PCDH11X: variants seen among roughly 807,000 people sequenced by gnomAD.
PCDH11X encodes the protein protocadherin-11 X-linked.
PCDH11X carries 18 observed loss-of-function variants against 53.3 expected under a neutral mutation model. The ratio of observed to expected loss-of-function variants is 0.34; its 90% CI spans 0.23 to 0.50. The LOEUF is 0.50. Among genes scored for constraint, PCDH11X ranks in the 20% least tolerant of loss-of-function variants. PCDH11X has a pLI of 0.98. For missense variants in PCDH11X, 570 were observed against 1,032.4 expected (o/e 0.55, Z 6.14); for synonymous variants, 279 against 393.3 (o/e 0.71, Z 3.44).
intron 6 of PCDH11X, among the ~76,000 whole-genome samples, chrX:92,080,326 G>A (rs2063836779): frequency 9.0e-6 from 1 of 111,250 alleles, no homozygotes; most frequent in Non-Finnish European, 1.9e-5. Flanking sequence ...GTAGTAATTT[G>A]TTACAGTAGC....
chrX:92,073,728 A>G (rs1163779385), intron 6 of PCDH11X, among the ~76,000 whole-genome samples: 1 of 112,210 alleles, frequency 8.9e-6, no homozygotes, highest in Non-Finnish European at 1.9e-5. Context: ...GTAGGAGTCT[A>G]AATGAGGCAG....
chrX:92,125,399 A>G (rs1157153952), intron 6 of PCDH11X, among the ~76,000 whole-genome samples: 1 of 112,104 alleles, frequency 8.9e-6, no homozygotes, highest in African/African-American at 3.2e-5. Flanking sequence ...ATTGTTACAC[A>G]AGGTCTAACT....
chrX:92,536,985 A>G (rs1455501251), intron 10 of PCDH11X, among the ~76,000 whole-genome samples: 1 of 111,001 alleles, frequency 9.0e-6, no homozygotes, highest in East Asian at 2.8e-4. Flanking sequence ...TGCCATTTGC[A>G]TGTCTTCTTC....
chrX:92,217,698 T>C (rs1048956798), intron 7 of PCDH11X, among the ~76,000 whole-genome samples: 1 of 105,487 alleles, frequency 9.5e-6, no homozygotes, highest in Non-Finnish European at 2.0e-5. Context: ...CTGCACCAAG[T>C]GGACCTAATA....
At chrX:92,186,885 C>T (rs2066109111) in intron 6 of PCDH11X, among the ~76,000 whole-genome samples, 1 of 111,299 alleles carries the variant, frequency 9.0e-6, no homozygotes, top group South Asian at 3.7e-4. Flanking sequence ...ACTAATTATC[C>T]TGATTTGATC....
chrX:92,459,923 T>G, intron 9 of PCDH11X: 1 of 1,182,201 alleles, frequency 8.5e-7, no homozygotes, highest in East Asian at 3.0e-5. Flanking sequence ...ATGCAAAGCC[T>G]GAACGACCGC....
At chrX:92,560,431 G>A (rs1184352942) in intron 10 of PCDH11X, among the ~76,000 whole-genome samples, 1 of 111,496 alleles carries the variant, frequency 9.0e-6, no homozygotes, top group African/African-American at 3.3e-5. Flanking sequence ...AAAAGGAAAA[G>A]TTAAAGAAAC....
chrX:91,970,091 C>T (rs1347180851), intron 6 of PCDH11X, among the ~76,000 whole-genome samples: 3 of 111,130 alleles, frequency 2.7e-5, no homozygotes, highest in Admixed American at 9.6e-5. Flanking sequence ...CAGAGTTGTT[C>T]GTTCCTCCTG....
chrX:91,989,264 AAAG>A (rs1385893894), intron 6 of PCDH11X, among the ~76,000 whole-genome samples: 2 of 110,941 alleles, frequency 1.8e-5, no homozygotes, highest in South Asian at 3.8e-4. Context: ...AAGAAAAGAG[AAAG>A]AAGAAGAAAA....
rs1253182856 is a variant in PCDH11X, at chrX:92,623,056, G to C, written c.*4116G>C. ...GTGATATCATACAGCATCTGAAAGT[G>C]AACAGTATCCCAAAGCAGTTCCAAC... On this transcript the variant is annotated 3_prime_UTR_variant, in exon 11 of 11. Coordinates refer to ENST00000682573, the MANE Select transcript of PCDH11X (RefSeq NM_032968.5). 11 of 110,677 alleles carry C rather than the reference G, an allele frequency of 9.9e-5. No homozygotes were observed. Among genetic ancestry groups the C allele is most frequent in the African/African-American group, 3.6e-4 (11 of 30,464 alleles). 9.1% of individuals were successfully genotyped at this position (110,677 alleles called of 1,213,427 possible). A position where few individuals can be genotyped will look rare whatever the true frequency, so the allele number is the denominator to read the frequency against.
At chrX:92,594,554 A>G (rs1370483940) in intron 10 of PCDH11X, among the ~76,000 whole-genome samples, 1 of 108,150 alleles carries the variant, frequency 9.2e-6, no homozygotes, top group Non-Finnish European at 1.9e-5. Context: ...CACAGAGATG[A>G]CCAGACTTTA....
chrX:92,131,368 C>T (rs1439571018), intron 6 of PCDH11X, among the ~76,000 whole-genome samples: 2 of 111,256 alleles, frequency 1.8e-5, no homozygotes, highest in South Asian at 7.6e-4. Flanking sequence ...GATTTACTTA[C>T]GTGAAACACA....
intron 4 of PCDH11X, among the ~76,000 whole-genome samples, chrX:91,815,197 T>A (rs1192451602): frequency 8.9e-6 from 1 of 111,923 alleles, no homozygotes; most frequent in Non-Finnish European, 1.9e-5. Context: ...CTTTAAAAAA[T>A]TTAAATTTTT....
chrX:91,902,434 AT>A (rs1449125365), intron 6 of PCDH11X, among the ~76,000 whole-genome samples: 4 of 103,723 alleles, frequency 3.9e-5, no homozygotes, highest in Non-Finnish European at 7.9e-5. Context: ...TTCCCTTCTG[AT>A]TTTTTTTGGC....
At chrX:92,015,889 G>T (rs376211806) in intron 6 of PCDH11X, among the ~76,000 whole-genome samples, 1 of 110,921 alleles carries the variant, frequency 9.0e-6, no homozygotes. Flanking sequence ...TTCCATTTGC[G>T]TTTCTCAGAT....
intron 10 of PCDH11X, among the ~76,000 whole-genome samples, chrX:92,605,226 A>G (rs1330777197): frequency 9.0e-6 from 1 of 110,509 alleles, no homozygotes; most frequent in Non-Finnish European, 1.9e-5. Context: ...TCTTTTGATC[A>G]AAACAAAAGA....
At chrX:92,559,466 CA>C in intron 10 of PCDH11X, among the ~76,000 whole-genome samples, 1 of 110,499 alleles carries the variant, frequency 9.0e-6, no homozygotes, top group East Asian at 2.8e-4. Context: ...CACACACACA[CA>C]CACCACTGTC....
At chrX:92,199,693 T>C (rs2066356669) in intron 6 of PCDH11X, among the ~76,000 whole-genome samples, 1 of 110,222 alleles carries the variant, frequency 9.1e-6, no homozygotes, top group Admixed American at 9.8e-5. Context: ...TGGGGAGTGA[T>C]AGAATATTGG....
chrX:92,553,644 C>T (rs2750515), intron 10 of PCDH11X, among the ~76,000 whole-genome samples: 30 of 109,929 alleles, frequency 2.7e-4, no homozygotes, highest in Non-Finnish European at 4.8e-4. Context: ...TTCTTTAAGA[C>T]GCATCATTAG....
Sources: gnomAD v4.1 joint callset for allele counts (sites outside exome capture counted in the v4.1 genomes callset) on GRCh38, gnomAD v4.1.1 for gene constraint, MANE v1.5 for transcripts, NCBI Gene and HGNC (gene_info 2026-07-23, HGNC 2026-07-21) for gene names.